Variants in DENND5B observed in about 807,000 individuals in gnomAD.
The protein encoded by DENND5B is DENN domain containing 5B.
A neutral mutation model predicts 140.6 loss-of-function variants in DENND5B; 34 were observed. The ratio of observed to expected loss-of-function variants is 0.24; its 90% CI spans 0.18 to 0.32. The LOEUF (loss-of-function observed/expected upper bound fraction) is 0.32. Ranked by LOEUF, DENND5B falls within the 10% of genes least tolerant of loss-of-function variation. The pLI, the probability that DENND5B is intolerant of heterozygous loss-of-function variation, is 1.00. For synonymous variants in DENND5B, 551 were observed against 562.1 expected (o/e 0.98, Z 0.28); for missense variants, 1,142 against 1,560.2 (o/e 0.73, Z 4.52).
intron 1 of DENND5B, chr12:31,500,356 T>C (rs746669636): frequency 2.2e-6 from 1 of 453,862 alleles, no homozygotes; most frequent in South Asian, 1.6e-5. Flanking sequence ...CTAAAAAGTA[T>C]GACAGTAAGA....
intron 4 of DENND5B, among the ~76,000 whole-genome samples, chr12:31,454,997 T>A (rs1042137404): frequency 6.6e-6 from 1 of 151,834 alleles, no homozygotes; most frequent in Non-Finnish European, 1.5e-5. Context: ...TTTTTTTGTA[T>A]TTTTAGCAGA....
rs375001828 is a variant in DENND5B, at chr12:31,495,823, T to A, written c.224A>T (p.Asp75Val). Reference sequence around the variant, plus strand: ...AAAAACACATACCATGTTCACCGCATCTTGATCAAAAGGGTTCCATTCTAT... The same window carrying A: ...AAAAACACATACCATGTTCACCGCAACTTGATCAAAAGGGTTCCATTCTAT... ...QNIEWNPFDQ[D>V]AVNMLCMPKG... The change falls in exon 2 of 21, where the codon GAT becomes GTT. Residue 75 changes from aspartate to valine, a missense_variant. By Grantham distance (152) the Asp-to-Val change is radical. This residue lies in a region of DENND5B where 708 missense variants were observed against 905.5 expected (regional missense o/e 0.78). Transcript: ENST00000389082. 6.2e-7 allele frequency: 1 copy of A among 1,609,278 alleles called. No individual in the cohort carries two copies. The highest frequency in any genetic ancestry group is 1.3e-5 in the African/African-American group (1 of 74,788).
chr12:31,470,111 CT>C (rs762346220), intron 3 of DENND5B, among the ~76,000 whole-genome samples: 79 of 105,916 alleles, frequency 7.5e-4, no homozygotes, highest in African/African-American at 8.7e-4. Flanking sequence ...CCATGTCTGG[CT>C]TTTTTTTTTT....
chr12:31,582,669 A>G (rs559120617), intron 1 of DENND5B, among the ~76,000 whole-genome samples: 1 of 152,368 alleles, frequency 6.6e-6, no homozygotes, highest in Non-Finnish European at 1.5e-5. Context: ...AAGAGAAATT[A>G]CTAGTGCTGA....
intron 1 of DENND5B, among the ~76,000 whole-genome samples, chr12:31,563,201 A>G (rs1433546085): frequency 1.3e-5 from 2 of 152,208 alleles, no homozygotes; most frequent in Non-Finnish European, 2.9e-5. Context: ...GAGAAGCCAA[A>G]GGAAGACTGG....
At chr12:31,446,244 G>A (rs867859160) in intron 6 of DENND5B, among the ~76,000 whole-genome samples, 11 of 152,096 alleles carry the variant, frequency 7.2e-5, no homozygotes, top group Admixed American at 4.6e-4. Context: ...CGCCTCCCGG[G>A]TTCAAGTGAT....
At chr12:31,583,271 G>A (rs765535400) in intron 1 of DENND5B, among the ~76,000 whole-genome samples, 17 of 147,348 alleles carry the variant, frequency 1.2e-4, no homozygotes, top group African/African-American at 3.5e-4. Context: ...CAGCCTGGGC[G>A]ACAGAGTGAG....
At chr12:31,418,920 C>T (rs965222291) in intron 11 of DENND5B, among the ~76,000 whole-genome samples, 11 of 152,036 alleles carry the variant, frequency 7.2e-5, no homozygotes. Context: ...ATTACATGTG[C>T]GAGCCAGTGT....
At chr12:31,405,836 G>A (rs566059530) in intron 14 of DENND5B, among the ~76,000 whole-genome samples, 33 of 146,842 alleles carry the variant, frequency 2.2e-4, no homozygotes, top group Non-Finnish European at 3.7e-4. Context: ...GTGAGCCATC[G>A]CACCTGGCCA....
rs1049238530 is a variant in DENND5B, at chr12:31,452,178, G to A, written c.1391C>T (p.Thr464Ile). The change falls in exon 5 of 21, where the codon ACT (threonine) becomes ATT (isoleucine). Residue 464 changes from threonine to isoleucine, a missense_variant. Thr to Ile is a moderately conservative substitution (Grantham distance 89). Transcript: ENST00000389082. ...GTCCATTTTTTCCACAGCCACACCAGTACGCTTGGCCAGAGCCTGCAAGCG... is the reference window on the plus strand; with the variant it reads ...GTCCATTTTTTCCACAGCCACACCAATACGCTTGGCCAGAGCCTGCAAGCG... The part of the protein sequence containing the change: ...IARLQALAKR[T>I]GVAVEKMDLS... 1.3e-5 allele frequency: 21 copies of A among 1,613,826 alleles called. No individual in the cohort carries two copies. The highest frequency in any genetic ancestry group is 1.8e-5 in the Non-Finnish European group (21 of 1,179,896).
At chr12:31,521,457 T>C (rs1422133538) in intron 1 of DENND5B, among the ~76,000 whole-genome samples, 1 of 152,176 alleles carries the variant, frequency 6.6e-6, no homozygotes, top group African/African-American at 2.4e-5. Context: ...CTGGCTATTC[T>C]ACCAATACTT....
chr12:31,444,755 T>C (rs1474042473), intron 6 of DENND5B, among the ~76,000 whole-genome samples: 2 of 152,226 alleles, frequency 1.3e-5, no homozygotes, highest in Admixed American at 6.5e-5. Context: ...CACATGGCTA[T>C]TAAGGCACTG....
chr12:31,462,875 C>T (rs1945082595), intron 3 of DENND5B, among the ~76,000 whole-genome samples: 1 of 152,140 alleles, frequency 6.6e-6, no homozygotes, highest in Admixed American at 6.5e-5. Flanking sequence ...AGGAGAATTG[C>T]TTGAACCCAG....
intron 7 of DENND5B, among the ~76,000 whole-genome samples, chr12:31,433,843 A>AAT (rs76145641): frequency 6.6e-6 from 1 of 151,942 alleles, no homozygotes. Context: ...ACATAGTGAG[A>AAT]CTGTCTCTAC....
chr12:31,480,892 T>G (rs1355253011), intron 2 of DENND5B, among the ~76,000 whole-genome samples: 1 of 152,192 alleles, frequency 6.6e-6, no homozygotes, highest in East Asian at 1.9e-4. Context: ...TTAGATTACT[T>G]CTAGTAGAGA....
intron 8 of DENND5B, among the ~76,000 whole-genome samples, chr12:31,430,315 G>A (rs1943451924): frequency 6.6e-6 from 1 of 150,876 alleles, no homozygotes; most frequent in Non-Finnish European, 1.5e-5. Context: ...AAGCCACTGC[G>A]CCTGGCCCCT....
Position 31,426,312 on chromosome 12 carries a change from A to G in DENND5B, c.2219T>C (p.Leu740Ser). Reference protein sequence around the residue: ...QTNCKFVEGLLKECRMKTKRM... With the variant: ...QTNCKFVEGLSKECRMKTKRM... ...ACATACCTTCATTCTACATTCTTTT[A>G]ATAAGCCTTCTACGAATTTACAGTT... Residue 740 changes from leucine to serine, a missense_variant, in exon 9 of 21, where the codon TTA becomes TCA. Physicochemically the swap from Leu to Ser is moderately radical, Grantham distance 145. Coordinates refer to ENST00000389082, the MANE Select transcript of DENND5B (RefSeq NM_144973.4). 6.2e-7 allele frequency: 1 copy of G among 1,608,820 alleles called. No individual in the cohort carries two copies. The highest frequency in any genetic ancestry group is 8.5e-7 in the Non-Finnish European group (1 of 1,177,446).
chr12:31,533,058 C>T (rs1336598645), intron 1 of DENND5B, among the ~76,000 whole-genome samples: 2 of 152,286 alleles, frequency 1.3e-5, no homozygotes, highest in East Asian at 3.9e-4. Flanking sequence ...AGAGCTTGCA[C>T]AAGTCATTGG....
At chr12:31,400,805 ACT>A (rs1941747459) in intron 15 of DENND5B, among the ~76,000 whole-genome samples, 2 of 144,894 alleles carry the variant, frequency 1.4e-5, no homozygotes, top group African/African-American at 5.1e-5. Context: ...GGTCTTATTC[ACT>A]CTATTTTTTT....
Sources: allele counts gnomAD v4.1 joint callset (sites outside exome capture counted in the v4.1 genomes callset), GRCh38; gene constraint gnomAD v4.1.1; regional missense constraint gnomAD v4.1.1; transcripts MANE v1.5; gene names NCBI Gene and HGNC (gene_info 2026-07-23, HGNC 2026-07-21).